Variants in ATRX observed in about 807,000 individuals in gnomAD.
The protein encoded by ATRX is ATRX chromatin remodeler.
A neutral mutation model predicts 172.6 loss-of-function variants in ATRX; 12 were observed. The observed-to-expected ratio is 0.07, with a 90% CI of 0.04 to 0.11. The LOEUF is 0.11. Among genes scored for constraint, ATRX ranks in the 10% least tolerant of loss-of-function variants. The probability of loss-of-function intolerance (pLI) is 1.00; values close to 1 mark genes in which losing one functional copy is unlikely to be tolerated. For synonymous variants in ATRX, 674 were observed against 594.7 expected (o/e 1.13, Z -1.94); for missense variants, 1,368 against 1,767.4 (o/e 0.77, Z 4.05).
chrX:77,549,362 G>A (rs1359264737), intron 30 of ATRX, among the ~76,000 whole-genome samples: 1 of 111,915 alleles, frequency 8.9e-6, no homozygotes, highest in African/African-American at 3.2e-5. Context: ...TCCATCCTGG[G>A]TGACAGAGTG....
intron 19 of ATRX, 29 bp from the exon 20 acceptor site, chrX:77,620,561 A>C: frequency 8.8e-7 from 1 of 1,130,411 alleles, no homozygotes; most frequent in Non-Finnish European, 1.2e-6. Flanking sequence ...AAATAACACA[A>C]TTAATATATA....
At chrX:77,673,981 C>T (rs782436016) in intron 10 of ATRX, 22 of 110,524 alleles carry the variant, frequency 2.0e-4, no homozygotes, top group Non-Finnish European at 4.0e-4. Context: ...TTATTGCATC[C>T]AAATAGTTAA....
intron 4 of ATRX, 45 bp from the exon 5 acceptor site, chrX:77,696,749 C>T (rs781837768): frequency 3.5e-6 from 4 of 1,144,644 alleles, no homozygotes; most frequent in Non-Finnish European, 4.8e-6. Context: ...TTTCTGACAA[C>T]TGGAACAATA....
chrX:77,682,364 A>G lies in ATRX; in HGVS notation c.2892T>C (p.Ile964=), dbSNP rs1557138656. 8.3e-7 allele frequency: 1 copy of G among 1,210,936 alleles called. No homozygotes were observed. Among genetic ancestry groups the G allele is most frequent in the South Asian group, 1.8e-5 (1 of 56,794 alleles). Residue 964 remains isoleucine, a synonymous_variant, in exon 9 of 35, where the codon ATT becomes ATC. Coordinates refer to ENST00000373344, the MANE Select transcript of ATRX (RefSeq NM_000489.6). ...GGTCTTTCTTTAGGAATTTCTCTGC[A>G]ATATCAGATAAGCCATCCTGTACTT... ...CKKVQDGLSD[I]AEKFLKKDQS...
intron 6 of ATRX, 123 bp from the exon 7 acceptor site, chrX:77,689,050 T>C (rs1557145661): frequency 3.6e-6 from 2 of 556,776 alleles, no homozygotes; most frequent in Non-Finnish European, 6.2e-6. Context: ...AAAAATGGCA[T>C]ATTGGACACA....
intron 10 of ATRX, among the ~76,000 whole-genome samples, chrX:77,671,951 A>G (rs1410501883): frequency 2.7e-5 from 3 of 111,058 alleles, no homozygotes; most frequent in African/African-American, 9.8e-5. Context: ...TAGAAAAAAG[A>G]AAGCCAGTAA....
rs1053308151 is a variant in ATRX, at chrX:77,676,682, A to G, written c.3737-384T>C. Among the ~76,000 whole-genome samples the G allele has an allele frequency of 3.6e-5, 4 of 112,460 alleles. No individual in the cohort carries two copies. In the South Asian group the frequency reaches 1.5e-3, roughly 41 times the overall value. On this transcript the variant is annotated intron_variant, in intron 9 of 34. Coordinates refer to ENST00000373344, the MANE Select transcript of ATRX (RefSeq NM_000489.6). ...GCTGTATCTTCGAGGAATAGCAAAA[A>G]CAGTATTAATATTTTGGTAGTAGCA... is the stretch of plus-strand genomic sequence containing the variant.
In ATRX at chrX:77,508,200, TTA is replaced by T; in HGVS notation, c.*149_*150del. 1.5e-6 allele frequency: 1 copy of T among 664,683 alleles called. No individual in the cohort carries two copies. Among genetic ancestry groups the T allele is most frequent in the Non-Finnish European group, 2.2e-6 (1 of 455,257 alleles). The allele number at this position is 664,683 out of a possible 1,213,427, so 54.8% of individuals were successfully genotyped here. On this transcript the variant is annotated 3_prime_UTR_variant, in exon 35 of 35. Coordinates refer to ENST00000373344, the MANE Select transcript of ATRX (RefSeq NM_000489.6). ...GTCAGGAAGAAATGGTATGCCCTAT[TTA>T]AAAAAAAAAAAAGTAAAACTAATAT...
chrX:77,643,646 G>A (rs1287967798), intron 15 of ATRX, among the ~76,000 whole-genome samples: 1 of 110,444 alleles, frequency 9.1e-6, no homozygotes, highest in Non-Finnish European at 1.9e-5. Flanking sequence ...TCACACAACT[G>A]GGCTCAAGCT....
chrX:77,599,811 C>T lies in ATRX; in HGVS notation c.5707G>A (p.Asp1903Asn), dbSNP rs1557086166. The T allele has an allele frequency of 8.4e-7, 1 of 1,194,496 alleles. No individual in the cohort carries two copies. Among genetic ancestry groups the T allele is most frequent in the Admixed American group, 2.2e-5 (1 of 45,664 alleles). ...YISKENKGYF[D>N]EDSMDEFIAS... ...ATAAATTCATCCATACTGTCTTCATCAAAATAACCCTAGAGAAAAAAAAAT... is the reference window on the plus strand; with the variant it reads ...ATAAATTCATCCATACTGTCTTCATTAAAATAACCCTAGAGAAAAAAAAAT... The change falls in exon 24 of 35, where the codon GAT becomes AAT. Residue 1903 changes from aspartate to asparagine, a missense_variant. Coordinates refer to ENST00000373344, the MANE Select transcript of ATRX (RefSeq NM_000489.6).
At chrX:77,770,455 A>C (rs2076117289) in intron 1 of ATRX, among the ~76,000 whole-genome samples, 1 of 111,252 alleles carries the variant, frequency 9.0e-6, no homozygotes, top group African/African-American at 3.3e-5. Flanking sequence ...CAAGTGATTA[A>C]AATTACCATC....
intron 15 of ATRX, among the ~76,000 whole-genome samples, chrX:77,647,434 A>T (rs1269201331): frequency 1.8e-5 from 2 of 111,865 alleles, no homozygotes; most frequent in Non-Finnish European, 3.8e-5. Flanking sequence ...GACGAATAAA[A>T]TGGTTGATGG....
At chrX:77,779,073 G>A (rs1603348621) in intron 1 of ATRX, among the ~76,000 whole-genome samples, 2 of 102,087 alleles carry the variant, frequency 2.0e-5, no homozygotes, top group Non-Finnish European at 3.9e-5. Flanking sequence ...CACTACAGGC[G>A]CCCGCCACCA....
At chrX:77,727,392 G>A (rs1163320155) in intron 1 of ATRX, among the ~76,000 whole-genome samples, 2 of 111,458 alleles carry the variant, frequency 1.8e-5, no homozygotes, top group Non-Finnish European at 3.8e-5. Flanking sequence ...TATGTTTACT[G>A]CAGCACTATT....
chrX:77,589,653 A>G (rs910338039), intron 27 of ATRX, among the ~76,000 whole-genome samples, 181 bp downstream of exon 27: 36 of 111,861 alleles, frequency 3.2e-4, no homozygotes, highest in Non-Finnish European at 9.4e-5. Context: ...AAACAATACA[A>G]TTTTATTTTG....
At position 77,508,555 on chromosome X, in the gene ATRX, TTGTTGC is replaced by T. The variant is rs2147651246; in HGVS notation, c.7269_7274del (p.Gln2424_Gln2425del). The T allele has an allele frequency of 8.3e-7, 1 of 1,211,737 alleles. No individual in the cohort carries two copies. Among genetic ancestry groups the T allele is most frequent in the South Asian group, 1.8e-5 (1 of 56,983 alleles). On this transcript the variant is annotated inframe_deletion, in exon 35 of 35. Transcript: ENST00000373344. Reference sequence around the variant, plus strand: ...CCAGTGTTGCTTGTTGATAAGTCATTTGTTGCTGTTGCTGCTGATTGTACTGCTGCT... The same window carrying T: ...CCAGTGTTGCTTGTTGATAAGTCATTTGTTGCTGCTGATTGTACTGCTGCT...
chrX:77,603,435 G>A (rs1244750423), intron 22 of ATRX, among the ~76,000 whole-genome samples: 2 of 108,980 alleles, frequency 1.8e-5, no homozygotes, highest in East Asian at 2.9e-4. Context: ...GCGCAATCTC[G>A]GCTCACTGCA....
intron 27 of ATRX, among the ~76,000 whole-genome samples, chrX:77,582,125 C>T (rs1012492977): frequency 1.8e-5 from 2 of 111,306 alleles, no homozygotes; most frequent in Admixed American, 9.5e-5. Flanking sequence ...AGAGGCTGGT[C>T]GCGGTGGCTC....
Position 77,525,456 on chromosome X carries a change from C to T in ATRX, c.6700-2055G>A, listed in dbSNP as rs3027530. ...TAACACTGACTTAACATTTTTAACA[C>T]ATTTACCAAATACAATGAGAAAAGT... is the stretch of plus-strand genomic sequence containing the variant. On this transcript the variant is annotated intron_variant, in intron 30 of 34. Coordinates refer to ENST00000373344, the MANE Select transcript of ATRX (RefSeq NM_000489.6). Among the ~76,000 whole-genome samples, 1,079 of 112,337 alleles carry T rather than the reference C, an allele frequency of 9.6e-3. 6 individuals carry two copies. The highest frequency in any genetic ancestry group is 0.052 in the South Asian group (140 of 2,711).
Sources: allele counts gnomAD v4.1 joint callset (sites outside exome capture counted in the v4.1 genomes callset), GRCh38; gene constraint gnomAD v4.1.1; transcripts MANE v1.5; gene names NCBI Gene and HGNC (gene_info 2026-07-23, HGNC 2026-07-21).